AIG1: variants seen among roughly 807,000 people sequenced by gnomAD.
The protein encoded by AIG1 is androgen-induced gene 1 protein.
A neutral mutation model predicts 31.4 loss-of-function variants in AIG1; 23 were observed. The observed-to-expected ratio is 0.73, with a 90% CI of 0.53 to 1.04. The LOEUF (loss-of-function observed/expected upper bound fraction) is 1.04, where lower values mean the gene tolerates loss of function less well. AIG1 is among the 50% of genes least tolerant of loss of function. AIG1 has a pLI of 0.00. For synonymous variants in AIG1, 100 were observed against 110.5 expected (o/e 0.90, Z 0.60); for missense variants, 274 against 295.0 (o/e 0.93, Z 0.52).
At chr6:143,162,632 C>T (rs1160381814) in intron 2 of AIG1, among the ~76,000 whole-genome samples, 2 of 152,168 alleles carry the variant, frequency 1.3e-5, no homozygotes, top group African/African-American at 2.4e-5. Flanking sequence ...AAGAGATTTG[C>T]ATCAGTGGCT....
At chr6:143,265,449 C>A (rs1796090062) in intron 3 of AIG1, among the ~76,000 whole-genome samples, 1 of 152,184 alleles carries the variant, frequency 6.6e-6, no homozygotes, top group Non-Finnish European at 1.5e-5. Context: ...ATCTCAGTCA[C>A]CTGATAATGT....
At chr6:143,222,467 G>A (rs917655182) in intron 3 of AIG1, among the ~76,000 whole-genome samples, 2 of 152,064 alleles carry the variant, frequency 1.3e-5, no homozygotes, top group African/African-American at 4.8e-5. Context: ...GGCGTGATAA[G>A]AAAAGTGCTG....
chr6:143,241,456 G>GCATTA (rs1480398209), intron 3 of AIG1, among the ~76,000 whole-genome samples: 2 of 152,190 alleles, frequency 1.3e-5, no homozygotes, highest in East Asian at 3.8e-4. Context: ...CTGGGATGAA[G>GCATTA]CATTAAGAGA....
At chr6:143,175,712 G>T (rs1788077105) in intron 3 of AIG1, among the ~76,000 whole-genome samples, 1 of 151,958 alleles carries the variant, frequency 6.6e-6, no homozygotes, top group African/African-American at 2.4e-5. Context: ...TTCATATCCT[G>T]TATCAATTTT....
chr6:143,238,206 C>A (rs956937233), intron 3 of AIG1, among the ~76,000 whole-genome samples: 2 of 152,132 alleles, frequency 1.3e-5, no homozygotes, highest in Admixed American at 1.3e-4. Context: ...CTCCCAAAGT[C>A]CTGGGATTAC....
At chr6:143,103,703 T>C (rs1237210011) in intron 1 of AIG1, among the ~76,000 whole-genome samples, 1 of 151,764 alleles carries the variant, frequency 6.6e-6, no homozygotes, top group Non-Finnish European at 1.5e-5. Context: ...GAGACGGGGT[T>C]TCACCATTTT....
chr6:143,239,608 C>T (rs1041325787), intron 3 of AIG1, among the ~76,000 whole-genome samples: 1 of 152,212 alleles, frequency 6.6e-6, no homozygotes, highest in Non-Finnish European at 1.5e-5. Context: ...CCTGCTTCCA[C>T]ATCCATGTTT....
chr6:143,223,374 C>T (rs1792682476), intron 3 of AIG1, among the ~76,000 whole-genome samples: 1 of 152,130 alleles, frequency 6.6e-6, no homozygotes, highest in African/African-American at 2.4e-5. Context: ...AGTTTGCAAA[C>T]CATTGGTTTA....
chr6:143,082,180 C>T (rs978764679), intron 1 of AIG1, among the ~76,000 whole-genome samples: 1 of 152,134 alleles, frequency 6.6e-6, no homozygotes, highest in Non-Finnish European at 1.5e-5. Flanking sequence ...ATTCTAGTGC[C>T]TGAGTGACGG....
At chr6:143,242,140 C>T (rs754771224) in intron 3 of AIG1, among the ~76,000 whole-genome samples, 37 of 152,028 alleles carry the variant, frequency 2.4e-4, no homozygotes, top group Non-Finnish European at 2.1e-4. Context: ...AGAATGAGCA[C>T]GAGCAATAGC....
intron 3 of AIG1, among the ~76,000 whole-genome samples, chr6:143,269,692 T>C (rs1796374781): frequency 6.6e-6 from 1 of 152,160 alleles, no homozygotes. Context: ...ATCACAAATA[T>C]AATATTGAAC....
intron 4 of AIG1, among the ~76,000 whole-genome samples, chr6:143,321,568 G>A (rs1295525628): frequency 6.6e-6 from 1 of 151,958 alleles, no homozygotes; most frequent in Non-Finnish European, 1.5e-5. Context: ...TCCAGCCTGG[G>A]CGACAAGAGG....
intron 1 of AIG1, among the ~76,000 whole-genome samples, chr6:143,132,070 CTGT>C (rs1179536152): frequency 6.6e-6 from 1 of 152,126 alleles, no homozygotes; most frequent in African/African-American, 2.4e-5. Context: ...GTCCTTGGTG[CTGT>C]TGTTATTATA....
rs1007142183 is a variant in AIG1, at chr6:143,268,276, C to T, written c.400-15834C>T. 2.0e-5 allele frequency among the ~76,000 whole-genome samples: 3 copies of T among 152,154 alleles called. No individual in the cohort carries two copies. The highest frequency in any genetic ancestry group is 4.4e-5 in the Non-Finnish European group (3 of 68,024). On this transcript the variant is annotated intron_variant, in intron 3 of 5. Transcript: ENST00000357847. The surrounding 1 kb of genome is among the most constrained non-coding windows in gnomAD (Gnocchi z 5.0). ...TGTTTCTTCCTCCAGCCCCCTTCCCCGTTGCTCTGCCTCATGAGGGAATTA... is the reference window on the plus strand; with the variant it reads ...TGTTTCTTCCTCCAGCCCCCTTCCCTGTTGCTCTGCCTCATGAGGGAATTA...
At chr6:143,066,883 A>G (rs772878781) in intron 1 of AIG1, among the ~76,000 whole-genome samples, 8 of 152,094 alleles carry the variant, frequency 5.3e-5, no homozygotes, top group Non-Finnish European at 1.2e-4. Context: ...TTTAAAGAAC[A>G]TTAAGGGTGG....
chr6:143,173,906 G>T (rs989325898), intron 3 of AIG1, among the ~76,000 whole-genome samples: 4 of 152,172 alleles, frequency 2.6e-5, no homozygotes, highest in African/African-American at 4.8e-5. Context: ...AAGTCCATTT[G>T]TTCTAGGGTA....
At chr6:143,086,349 A>G (rs994143674) in intron 1 of AIG1, among the ~76,000 whole-genome samples, 1 of 151,558 alleles carries the variant, frequency 6.6e-6, no homozygotes, top group African/African-American at 2.4e-5. Flanking sequence ...TACTACTTCT[A>G]TCTCTCTTTT....
chr6:143,120,927 C>T (rs566671880), intron 1 of AIG1, among the ~76,000 whole-genome samples: 37 of 152,304 alleles, frequency 2.4e-4, no homozygotes, highest in African/African-American at 8.4e-4. Context: ...CCACCCAGGG[C>T]GGAAAACCGC....
At chr6:143,105,321 G>A (rs1780704642) in intron 1 of AIG1, among the ~76,000 whole-genome samples, 1 of 152,218 alleles carries the variant, frequency 6.6e-6, no homozygotes, top group African/African-American at 2.4e-5. Context: ...GCGGGTGTGA[G>A]TAGTGTTCAA....
Sources: gnomAD v4.1 joint callset for allele counts (sites outside exome capture counted in the v4.1 genomes callset) on GRCh38, gnomAD v4.1.1 for gene constraint, Gnocchi (gnomAD v3.1) non-coding constraint, MANE v1.5 for transcripts, NCBI Gene and HGNC (gene_info 2026-07-23, HGNC 2026-07-21) for gene names.